Variants in COG5 observed in about 807,000 individuals in gnomAD.
The protein encoded by COG5 is component of oligomeric golgi complex 5.
In COG5, 86 loss-of-function variants were observed where a neutral mutation model predicts 110.4. That is an observed-to-expected ratio of 0.78 (90% confidence interval 0.65 to 0.93). The LOEUF is 0.93. Ranked by LOEUF, COG5 falls within the 40% of genes least tolerant of loss-of-function variation. The probability of loss-of-function intolerance (pLI) is 0.00; values close to 1 mark genes in which losing one functional copy is unlikely to be tolerated. For missense variants in COG5, 1,077 were observed against 987.0 expected (o/e 1.09, Z -1.22); for synonymous variants, 360 against 334.6 (o/e 1.08, Z -0.83).
At chr7:107,544,114 A>G (rs1193146133) in intron 5 of COG5, among the ~76,000 whole-genome samples, 1 of 152,062 alleles carries the variant, frequency 6.6e-6, no homozygotes, top group East Asian at 1.9e-4. Flanking sequence ...GTCCAGGCTT[A>G]TTTCAGCAGA....
chr7:107,325,544 G>A (rs191706339), intron 10 of COG5, among the ~76,000 whole-genome samples: 40 of 152,234 alleles, frequency 2.6e-4, no homozygotes, highest in Middle Eastern at 6.8e-3. Context: ...CCAGCTACTA[G>A]GGAGACTGAG....
chr7:107,239,957 TG>T (rs1356117350), intron 17 of COG5, among the ~76,000 whole-genome samples: 1 of 152,236 alleles, frequency 6.6e-6, no homozygotes, highest in East Asian at 1.9e-4. Flanking sequence ...ACCTTTTGTG[TG>T]AGTGCTCTCC....
In COG5 at chr7:107,534,354, T is replaced by C. The variant is rs1801423857; in HGVS notation, c.418-6997A>G. ...ATTTAAATGGGTTAAATGCTCCAAT[T>C]AAAAGGCACAGACTGGCAAATTGGA... On this transcript the variant is annotated intron_variant, in intron 5 of 21. Transcript: ENST00000297135. Among the ~76,000 whole-genome samples the C allele has an allele frequency of 5.3e-5, 8 of 151,682 alleles. No homozygotes were observed. The South Asian group carries it at 1.7e-3, about 31-fold the overall frequency.
chr7:107,236,409 G>A (rs1315753146), intron 18 of COG5, 41 bp downstream of exon 18: 1 of 1,410,120 alleles, frequency 7.1e-7, no homozygotes, highest in South Asian at 1.1e-5. Context: ...ATGATATTGA[G>A]GCCAAAACAT....
intron 19 of COG5, among the ~76,000 whole-genome samples, chr7:107,224,328 A>C (rs990765839): frequency 6.6e-6 from 1 of 152,208 alleles, no homozygotes; most frequent in Non-Finnish European, 1.5e-5. Context: ...TAGACCTAGA[A>C]AACCCTCATT....
rs184326449 is a variant in COG5 at position 107,476,607 on chromosome 7, T to C, written c.538+50630A>G. ...CAGATTACAAGAATTGGGAACCTCA[T>C]ATCAAACAAATATTTTCCAATTGTT... On this transcript the variant is annotated intron_variant, in intron 6 of 21. Transcript: ENST00000297135. Among the ~76,000 whole-genome samples the C allele has an allele frequency of 2.2e-4, 34 of 151,822 alleles. 1 individual carries two copies. In the South Asian group the frequency reaches 3.7e-3, roughly 17 times the overall value.
At chr7:107,398,479 C>T (rs2129059599) in intron 7 of COG5, among the ~76,000 whole-genome samples, 1 of 152,262 alleles carries the variant, frequency 6.6e-6, no homozygotes, top group African/African-American at 2.4e-5. Flanking sequence ...CTATTGCTAA[C>T]TGCACACGCG....
intron 6 of COG5, among the ~76,000 whole-genome samples, chr7:107,482,271 T>C (rs1372083809): frequency 3.3e-5 from 5 of 151,526 alleles, no homozygotes; most frequent in African/African-American, 1.2e-4. Flanking sequence ...GCCTCCTGAG[T>C]AGCCCGGACT....
chr7:107,243,232 G>C (rs759009723), intron 17 of COG5, among the ~76,000 whole-genome samples: 2 of 151,980 alleles, frequency 1.3e-5, no homozygotes, highest in African/African-American at 4.8e-5. Flanking sequence ...AAGAAGTCTC[G>C]GCCTGGGGCG....
At chr7:107,439,701 G>A (rs911496115) in intron 6 of COG5, among the ~76,000 whole-genome samples, 1 of 152,070 alleles carries the variant, frequency 6.6e-6, no homozygotes, top group African/African-American at 2.4e-5. Context: ...ATCCTTTTGA[G>A]TTTTCTAAGT....
At chr7:107,400,870 G>T (rs1480206483) in intron 7 of COG5, among the ~76,000 whole-genome samples, 1 of 152,020 alleles carries the variant, frequency 6.6e-6, no homozygotes, top group Admixed American at 6.5e-5. Flanking sequence ...CTTTACATTT[G>T]GTGTAAAACA....
chr7:107,363,092 C>A (rs531444528), intron 8 of COG5, among the ~76,000 whole-genome samples: 74 of 152,198 alleles, frequency 4.9e-4, no homozygotes, highest in Admixed American at 4.8e-3. Context: ...AAATAAGGTT[C>A]TCAGTGTAAA....
intron 10 of COG5, among the ~76,000 whole-genome samples, chr7:107,355,032 T>C (rs1189716545): frequency 2.0e-5 from 3 of 152,244 alleles, no homozygotes; most frequent in Admixed American, 2.0e-4. Context: ...ACTTTTAACA[T>C]ATTTTAGGGA....
chr7:107,521,092 T>A (rs568765167), intron 6 of COG5, among the ~76,000 whole-genome samples: 2 of 152,234 alleles, frequency 1.3e-5, no homozygotes, highest in Non-Finnish European at 1.5e-5. Context: ...GCTAGCCGTA[T>A]GCAGAAAACT....
intron 11 of COG5, among the ~76,000 whole-genome samples, chr7:107,308,471 A>C (rs1209802437): frequency 6.6e-6 from 1 of 152,150 alleles, no homozygotes; most frequent in Non-Finnish European, 1.5e-5. Context: ...GAATTTTCTG[A>C]AGTGTTTGCC....
chr7:107,406,752 A>G (rs1432393012), intron 7 of COG5, among the ~76,000 whole-genome samples: 1 of 152,270 alleles, frequency 6.6e-6, no homozygotes, highest in Admixed American at 6.5e-5. Flanking sequence ...TCCCTTCTAG[A>G]ATTACTTGGT....
chr7:107,302,319 A>G (rs561654356), intron 11 of COG5, among the ~76,000 whole-genome samples: 1 of 152,308 alleles, frequency 6.6e-6, no homozygotes, highest in East Asian at 1.9e-4. Context: ...TCTGGGAGCT[A>G]CAAACTACCA....
At chr7:107,248,279 A>C in intron 17 of COG5, 117 bp downstream of exon 17, 1 of 739,222 alleles carries the variant, frequency 1.4e-6, no homozygotes, top group South Asian at 1.5e-5. Flanking sequence ...AACTAATGCC[A>C]TCACAAAAGG....
At position 107,298,278 on chromosome 7, in the gene COG5, A is replaced by G. The variant is rs780609950; in HGVS notation, c.1177T>C (p.Trp393Arg). The G allele has an allele frequency of 2.0e-5, 33 of 1,613,734 alleles. No homozygotes were observed. The highest frequency in any genetic ancestry group is 3.3e-5 in the Admixed American group (2 of 60,020). Residue 393 changes from tryptophan to arginine, a missense_variant, in exon 12 of 22, where the codon TGG (tryptophan) becomes CGG (arginine). By Grantham distance (101) the Trp-to-Arg change is moderately radical. Coordinates refer to ENST00000297135, the MANE Select transcript of COG5 (RefSeq NM_006348.5). ...TGACTGTATTGTTGAAGACGCTTCC[A>G]TAAGTCATTATAAAGACGTAATAAT... is the stretch of plus-strand genomic sequence containing the variant. ...PKLLRLYNDLWKRLQQYSQHI... is the reference protein window; with the variant it reads ...PKLLRLYNDLRKRLQQYSQHI...
Sources: gnomAD v4.1 joint callset for allele counts (sites outside exome capture counted in the v4.1 genomes callset) on GRCh38, gnomAD v4.1.1 for gene constraint, MANE v1.5 for transcripts, NCBI Gene and HGNC (gene_info 2026-07-23, HGNC 2026-07-21) for gene names.